The following CPQ variants were observed in gnomAD, a reference collection of about 807,000 sequenced individuals.
CPQ encodes the protein Ser-Met dipeptidase.
In CPQ, 37 loss-of-function variants were observed where a neutral mutation model predicts 45.7. That is an observed-to-expected ratio of 0.81 (90% CI 0.62 to 1.07). CPQ has a LOEUF of 1.07. Among genes scored for constraint, CPQ ranks in the 50% least tolerant of loss-of-function variants. The probability of loss-of-function intolerance (pLI) is 0.00; values close to 1 mark genes in which losing one functional copy is unlikely to be tolerated. For synonymous variants in CPQ, 186 were observed against 205.8 expected (o/e 0.90, Z 0.82); for missense variants, 537 against 572.9 (o/e 0.94, Z 0.64).
chr8:96,773,784 C>G (rs1787063159), intron 1 of CPQ, among the ~76,000 whole-genome samples: 1 of 152,156 alleles, frequency 6.6e-6, no homozygotes, highest in African/African-American at 2.4e-5. Context: ...TCTAGGATGG[C>G]ACCCTGTGGC....
In CPQ at chr8:96,709,258, C is replaced by T. The variant is rs576074226; in HGVS notation, c.-35+63856C>T. ...TCCCTCACCCCTCTCCCACCCTCTC[C>T]GCTTCTGAGTCTCCAAAATCCATTA... is the stretch of plus-strand genomic sequence containing the variant. On this transcript the variant is annotated intron_variant, in intron 1 of 7. Coordinates refer to ENST00000220763, the MANE Select transcript of CPQ (RefSeq NM_016134.4). 4.7e-4 allele frequency among the ~76,000 whole-genome samples: 72 copies of T among 152,136 alleles called. 1 individual carries two copies. The highest frequency in any genetic ancestry group is 1.6e-3 in the African/African-American group (67 of 41,516).
At chr8:96,666,736 G>A (rs1436095164) in intron 1 of CPQ, among the ~76,000 whole-genome samples, 4 of 152,158 alleles carry the variant, frequency 2.6e-5, no homozygotes. Flanking sequence ...TTTTGTTTTA[G>A]CAGCTCTCGT....
chr8:96,812,101 C>T (rs1811167330), intron 2 of CPQ, among the ~76,000 whole-genome samples: 1 of 152,070 alleles, frequency 6.6e-6, no homozygotes, highest in South Asian at 2.1e-4. Context: ...TACATTTTTA[C>T]CAGATAGGTT....
chr8:97,069,633 G>A (rs1810702933), intron 7 of CPQ, among the ~76,000 whole-genome samples: 1 of 152,190 alleles, frequency 6.6e-6, no homozygotes, highest in East Asian at 1.9e-4. Flanking sequence ...AAAGCTAAGG[G>A]TAGGATTCTA....
At chr8:96,666,303 T>C (rs1222026264) in intron 1 of CPQ, among the ~76,000 whole-genome samples, 1 of 152,186 alleles carries the variant, frequency 6.6e-6, no homozygotes, top group Non-Finnish European at 1.5e-5. Flanking sequence ...AGGGGTGTTA[T>C]TTGCTATCAC....
intron 7 of CPQ, among the ~76,000 whole-genome samples, chr8:97,110,616 A>G (rs1289543179): frequency 6.6e-6 from 1 of 152,146 alleles, no homozygotes; most frequent in African/African-American, 2.4e-5. Context: ...TGGTTGCTCC[A>G]CATCCATCCC....
At chr8:97,099,219 C>T (rs1237690775) in intron 7 of CPQ, among the ~76,000 whole-genome samples, 1 of 148,458 alleles carries the variant, frequency 6.7e-6, no homozygotes, top group Non-Finnish European at 1.5e-5. Flanking sequence ...CAACATCCAC[C>T]TCCCAGATTC....
At chr8:96,783,881 A>G (rs1315373086) in intron 1 of CPQ, among the ~76,000 whole-genome samples, 2 of 152,176 alleles carry the variant, frequency 1.3e-5, no homozygotes, top group Non-Finnish European at 2.9e-5. Flanking sequence ...ACATTTACTC[A>G]TAATCTCTGT....
chr8:96,822,606 G>A (rs1384574071), intron 2 of CPQ, among the ~76,000 whole-genome samples: 1 of 151,782 alleles, frequency 6.6e-6, no homozygotes, highest in African/African-American at 2.4e-5. Context: ...CTTCACCATG[G>A]CCCAGGAGGT....
intron 5 of CPQ, among the ~76,000 whole-genome samples, chr8:96,989,478 G>T (rs1359910499): frequency 7.0e-6 from 1 of 142,620 alleles, no homozygotes; most frequent in Non-Finnish European, 1.5e-5. Flanking sequence ...GAGGGGAGGG[G>T]AGGAGAGGGG....
intron 1 of CPQ, among the ~76,000 whole-genome samples, chr8:96,724,837 A>T (rs1809815330): frequency 6.6e-6 from 1 of 152,220 alleles, no homozygotes; most frequent in Non-Finnish European, 1.5e-5. Flanking sequence ...TAGAGGCATC[A>T]CATTATCCAA....
chr8:96,823,810 T>A (rs1025645688), intron 2 of CPQ, among the ~76,000 whole-genome samples: 55 of 152,162 alleles, frequency 3.6e-4, no homozygotes, highest in African/African-American at 1.3e-3. Flanking sequence ...TGGCATATTG[T>A]AAGACCTATA....
intron 7 of CPQ, among the ~76,000 whole-genome samples, chr8:97,099,286 A>G (rs1161221436): frequency 1.3e-5 from 2 of 151,600 alleles, no homozygotes; most frequent in Non-Finnish European, 2.9e-5. Flanking sequence ...TCACACCACC[A>G]AACCTGGCTA....
intron 7 of CPQ, among the ~76,000 whole-genome samples, chr8:97,076,679 G>T (rs1810851027): frequency 6.6e-6 from 1 of 152,066 alleles, no homozygotes; most frequent in Non-Finnish European, 1.5e-5. Flanking sequence ...AAATCTAGAG[G>T]CTTGCCCTAA....
chr8:96,883,573 CTG>C (rs1812259706), intron 4 of CPQ, among the ~76,000 whole-genome samples: 2 of 152,168 alleles, frequency 1.3e-5, no homozygotes, highest in South Asian at 4.1e-4. Flanking sequence ...AAAGTCAAGT[CTG>C]TGGTTGCGTT....
At chr8:96,843,349 C>G (rs1268104946) in intron 3 of CPQ, among the ~76,000 whole-genome samples, 1 of 150,770 alleles carries the variant, frequency 6.6e-6, no homozygotes, top group Non-Finnish European at 1.5e-5. Flanking sequence ...GGGAGGGAAG[C>G]AGGTAATCAG....
intron 6 of CPQ, among the ~76,000 whole-genome samples, chr8:97,038,825 C>CAAAAA (rs35739621): frequency 1.9e-3 from 178 of 91,544 alleles, no homozygotes; most frequent in East Asian, 3.4e-3. Flanking sequence ...ACCGTATTTA[C>CAAAAA]AAAAAAAAAA....
At chr8:96,763,258 T>A (rs1344866465) in intron 1 of CPQ, among the ~76,000 whole-genome samples, 2 of 152,104 alleles carry the variant, frequency 1.3e-5, no homozygotes, top group Non-Finnish European at 2.9e-5. Flanking sequence ...ATTTGGGGGG[T>A]ACATAACTGA....
chr8:96,683,808 G>C (rs115628806), intron 1 of CPQ, among the ~76,000 whole-genome samples: 3,660 of 142,784 alleles, frequency 0.026, 160 homozygotes, highest in African/African-American at 0.089. Flanking sequence ...GTTCTTTTCT[G>C]TGCTTGGTAT....
Sources: allele counts gnomAD v4.1 joint callset (sites outside exome capture counted in the v4.1 genomes callset), GRCh38; gene constraint gnomAD v4.1.1; transcripts MANE v1.5; gene names NCBI Gene and HGNC (gene_info 2026-07-23, HGNC 2026-07-21).